Variants in FBXL17 observed in about 807,000 individuals in gnomAD.
FBXL17 encodes the protein F-box and leucine rich repeat protein 17.
FBXL17 carries 22 observed loss-of-function variants against 66.2 expected under a neutral mutation model. The observed-to-expected ratio is 0.33, with a 90% CI of 0.24 to 0.47. The LOEUF (loss-of-function observed/expected upper bound fraction) is 0.47, where lower values mean the gene tolerates loss of function less well. Among genes scored for constraint, FBXL17 ranks in the 20% least tolerant of loss-of-function variants. The pLI is 1.00. For synonymous variants in FBXL17, 474 were observed against 400.5 expected, an observed-to-expected ratio of 1.18 and a Z score of -2.19; for missense variants, 878 against 948.2, an observed-to-expected ratio of 0.93 and a Z score of 0.97.
At chr5:108,375,507 A>G (rs1053589854) in intron 1 of FBXL17, among the ~76,000 whole-genome samples, 3 of 152,188 alleles carry the variant, frequency 2.0e-5, no homozygotes, top group Admixed American at 6.5e-5. Context: ...AGAGAATACT[A>G]TAATTGTATG....
chr5:108,208,124 A>G (rs188671089), intron 5 of FBXL17, among the ~76,000 whole-genome samples: 1 of 152,316 alleles, frequency 6.6e-6, no homozygotes, highest in Non-Finnish European at 1.5e-5. Flanking sequence ...TCCTTTGAGA[A>G]GTGTCTGCTC....
chr5:108,317,217 A>G (rs1759406751), intron 4 of FBXL17, among the ~76,000 whole-genome samples: 1 of 151,374 alleles, frequency 6.6e-6, no homozygotes, highest in South Asian at 2.1e-4. Flanking sequence ...AAACCCATAT[A>G]TATTCATTTG....
intron 4 of FBXL17, among the ~76,000 whole-genome samples, chr5:108,233,886 G>C (rs985777932): frequency 6.6e-5 from 10 of 152,150 alleles, no homozygotes; most frequent in African/African-American, 2.2e-4. Flanking sequence ...AAGGGAAGAG[G>C]AGGAGAATGT....
chr5:107,967,059 T>C (rs1021286594), intron 7 of FBXL17, among the ~76,000 whole-genome samples: 5 of 152,102 alleles, frequency 3.3e-5, no homozygotes, highest in African/African-American at 1.2e-4. Flanking sequence ...ATCAGTGGCA[T>C]GACAAGATTA....
At chr5:108,100,207 G>C (rs1240646738) in intron 6 of FBXL17, among the ~76,000 whole-genome samples, 1 of 152,052 alleles carries the variant, frequency 6.6e-6, no homozygotes, top group Non-Finnish European at 1.5e-5. Flanking sequence ...AGATTCTAAA[G>C]TACCTTAGAT....
rs114757532 is a variant in FBXL17, at chr5:108,022,846, T to C, written c.1746-1845A>G. Among the ~76,000 whole-genome samples, 844 of 152,248 alleles carry C rather than the reference T, an allele frequency of 5.5e-3. 6 individuals are homozygous for C. The highest frequency in any genetic ancestry group is 0.019 in the African/African-American group (810 of 41,564). On this transcript the variant is annotated intron_variant, in intron 6 of 8. Coordinates refer to ENST00000542267, the MANE Select transcript of FBXL17 (RefSeq NM_001163315.3). ...CATAAGCAACAAGAACCAACATTTA[T>C]ATAAAATAAGATGATCAATCACTGG... is the stretch of plus-strand genomic sequence containing the variant.
intron 6 of FBXL17, among the ~76,000 whole-genome samples, chr5:108,179,947 G>A (rs1752936837): frequency 1.3e-5 from 2 of 152,086 alleles, no homozygotes; most frequent in South Asian, 4.2e-4. Context: ...GTGGATAAAT[G>A]GAAAGGGGGC....
chr5:108,074,312 T>A (rs1018563012), intron 6 of FBXL17, among the ~76,000 whole-genome samples: 1 of 15,086 alleles, frequency 6.6e-5, no homozygotes, highest in African/African-American at 1.4e-4. Flanking sequence ...TTGAAAAGAT[T>A]TTTTTTTTTT....
intron 5 of FBXL17, among the ~76,000 whole-genome samples, chr5:108,196,298 T>A (rs1390220896): frequency 6.6e-6 from 1 of 151,908 alleles, no homozygotes; most frequent in East Asian, 1.9e-4. Flanking sequence ...CAAGGCAGAA[T>A]TCATTTCCTT....
rs1580235612 is a variant in FBXL17, at chr5:107,949,143, A to T, written c.1823-67964T>A. Among the ~76,000 whole-genome samples the T allele has an allele frequency of 2.6e-5, 4 of 151,404 alleles. 1 individual carries two copies. The South Asian group carries it at 8.3e-4, about 32-fold the overall frequency. ...TTTAGGTGAATGGCAAGTAGCTAAGAGCACAGTGGCTTCCACACCACATCT... is the reference window on the plus strand; with the variant it reads ...TTTAGGTGAATGGCAAGTAGCTAAGTGCACAGTGGCTTCCACACCACATCT... On this transcript the variant is annotated intron_variant, in intron 7 of 8. Transcript: ENST00000542267.
In FBXL17 at chr5:108,297,543, A is replaced by G. The variant is rs141049304; in HGVS notation, c.1506+50856T>C. On this transcript the variant is annotated intron_variant, in intron 4 of 8. Transcript: ENST00000542267. ...TAAAGACTCAAACATCAAAAATCCAATGCATAAACATCACATTAACTGTTT... is the reference window on the plus strand; with the variant it reads ...TAAAGACTCAAACATCAAAAATCCAGTGCATAAACATCACATTAACTGTTT... Among the ~76,000 whole-genome samples the G allele has an allele frequency of 2.8e-3, 423 of 151,818 alleles. 2 individuals carry two copies. The highest frequency in any genetic ancestry group is 9.6e-3 in the African/African-American group (400 of 41,538).
At chr5:108,118,635 AG>A (rs1750358574) in intron 6 of FBXL17, among the ~76,000 whole-genome samples, 1 of 152,158 alleles carries the variant, frequency 6.6e-6, no homozygotes, top group South Asian at 2.1e-4. Context: ...CATTGTATGC[AG>A]GTGTTTTTAA....
At chr5:108,136,333 A>T (rs10900903) in intron 6 of FBXL17, among the ~76,000 whole-genome samples, 1 of 151,934 alleles carries the variant, frequency 6.6e-6, no homozygotes, top group Non-Finnish European at 1.5e-5. Flanking sequence ...AACATACTTT[A>T]GCTTGGTAAA....
chr5:108,317,290 A>G (rs1430426305), intron 4 of FBXL17, among the ~76,000 whole-genome samples: 5 of 151,120 alleles, frequency 3.3e-5, no homozygotes, highest in African/African-American at 1.2e-4. Context: ...AGAACACTTT[A>G]TTAAAAGTTA....
At chr5:108,186,985 T>C (rs2150033328) in intron 5 of FBXL17, among the ~76,000 whole-genome samples, 1 of 152,216 alleles carries the variant, frequency 6.6e-6, no homozygotes, top group East Asian at 1.9e-4. Flanking sequence ...AGATGAAATA[T>C]GACTAAATGG....
chr5:108,068,727 G>T (rs1488483612), intron 6 of FBXL17, among the ~76,000 whole-genome samples: 2 of 152,256 alleles, frequency 1.3e-5, no homozygotes, highest in East Asian at 3.9e-4. Context: ...AAAGTGCTGG[G>T]ATTACAGGCG....
chr5:107,970,312 G>A (rs769626292), intron 7 of FBXL17, among the ~76,000 whole-genome samples: 1 of 151,936 alleles, frequency 6.6e-6, no homozygotes, highest in Non-Finnish European at 1.5e-5. Context: ...TGCACTACTT[G>A]CAGAAACACT....
At chr5:108,229,172 C>T (rs968191777) in intron 4 of FBXL17, among the ~76,000 whole-genome samples, 1 of 152,012 alleles carries the variant, frequency 6.6e-6, no homozygotes, top group Non-Finnish European at 1.5e-5. Context: ...CATTAAAATA[C>T]CACCATCATT....
intron 6 of FBXL17, among the ~76,000 whole-genome samples, chr5:108,048,674 T>C (rs1374099701): frequency 1.3e-5 from 2 of 152,062 alleles, no homozygotes; most frequent in Non-Finnish European, 2.9e-5. Flanking sequence ...CAAGTATCAA[T>C]AGCTGAATCA....
Sources: allele counts gnomAD v4.1 joint callset (sites outside exome capture counted in the v4.1 genomes callset), GRCh38; gene constraint gnomAD v4.1.1; transcripts MANE v1.5; gene names NCBI Gene and HGNC (gene_info 2026-07-23, HGNC 2026-07-21).